The following PCDHGB3 variants were observed in gnomAD, a reference collection of about 807,000 sequenced individuals.
PCDHGB3 encodes protocadherin gamma-B3.
In PCDHGB3, 40 loss-of-function variants were observed where a neutral mutation model predicts 59.2. The observed-to-expected ratio is 0.68, with a 90% CI of 0.52 to 0.88. The LOEUF is 0.88. Among genes scored for constraint, PCDHGB3 ranks in the 40% least tolerant of loss-of-function variants. The probability of loss-of-function intolerance (pLI) is 0.00; values close to 1 mark genes in which losing one functional copy is unlikely to be tolerated. For synonymous variants in PCDHGB3, 581 were observed against 503.6 expected (o/e 1.15, Z -2.06); for missense variants, 1,309 against 1,187.9 (o/e 1.10, Z -1.50).
chr5:141,395,547 TGTGTGTGTGTG>T (rs750624769), intron 1 of PCDHGB3: 54,616 of 173,956 alleles, frequency 0.31, 7,840 homozygotes, highest in East Asian at 0.41. Context: ...ATTGTTTGTG[TGTGTGTGTGTG>T]TGTGTGTGTG....
At chr5:141,413,081 C>CAG in intron 1 of PCDHGB3, 1 of 1,339,426 alleles carries the variant, frequency 7.5e-7, no homozygotes, top group South Asian at 1.5e-5. Flanking sequence ...GCCCAGGCTA[C>CAG]AGAGACACCC....
rs1030277886 is a variant in PCDHGB3, at chr5:141,371,455, A to G, written c.1061A>G (p.Gln354Arg). 3 of 1,613,904 alleles carry G rather than the reference A, an allele frequency of 1.9e-6. No individual in the cohort carries two copies. Among genetic ancestry groups the G allele is most frequent in the Non-Finnish European group, 2.5e-6 (3 of 1,179,884 alleles). Residue 354 changes from glutamine (Q) to arginine (R), a missense_variant, in exon 1 of 4, where the codon CAA becomes CGA. Gln to Arg is a conservative substitution (Grantham distance 43, BLOSUM62 1). Transcript: ENST00000576222. ...APEITLASES[Q>R]HIQEDAELGT... Reference sequence around the variant, plus strand: ...GAGATAACCCTGGCTTCTGAATCCCAACATATACAAGAAGATGCTGAGCTG... The same window carrying G: ...GAGATAACCCTGGCTTCTGAATCCCGACATATACAAGAAGATGCTGAGCTG...
intron 2 of PCDHGB3, among the ~76,000 whole-genome samples, chr5:141,504,869 C>T (rs919109041): frequency 6.6e-6 from 1 of 152,134 alleles, no homozygotes; most frequent in Admixed American, 6.5e-5. Flanking sequence ...CCCACCTTCA[C>T]AGTCCTCTGG....
chr5:141,506,061 G>A (rs1260513343), intron 3 of PCDHGB3, among the ~76,000 whole-genome samples: 2 of 152,144 alleles, frequency 1.3e-5, no homozygotes, highest in Non-Finnish European at 2.9e-5. Flanking sequence ...GGTTGACTAA[G>A]GGCTTCCTTT....
chr5:141,420,197 A>C (rs760921171), intron 1 of PCDHGB3: 2 of 1,613,630 alleles, frequency 1.2e-6, no homozygotes, highest in South Asian at 2.2e-5. Context: ...CACACAAGAT[A>C]ACCTCAACAA....
At chr5:141,479,090 T>G (rs1424205731) in intron 1 of PCDHGB3, among the ~76,000 whole-genome samples, 2 of 152,244 alleles carry the variant, frequency 1.3e-5, no homozygotes, top group Non-Finnish European at 2.9e-5. Flanking sequence ...CCAGGCATCC[T>G]TTAAATTTTA....
rs1329649336 is a variant in PCDHGB3, at chr5:141,477,589, GCTTT to G, written c.2416-17207_2416-17204del. 2 of 1,614,130 alleles carry G rather than the reference GCTTT, an allele frequency of 1.2e-6. No homozygotes were observed. Among genetic ancestry groups the G allele is most frequent in the South Asian group, 1.1e-5 (1 of 91,086 alleles). ...ACCCCGACGCCCCGCAGAATGCTCGGCTTTCTTTCTTTCTCTTGGAGCAAGGAGC... is the reference window on the plus strand; with the variant it reads ...ACCCCGACGCCCCGCAGAATGCTCGGCTTTCTTTCTCTTGGAGCAAGGAGC... On this transcript the variant is annotated intron_variant, in intron 1 of 3. Coordinates refer to ENST00000576222, the MANE Select transcript of PCDHGB3 (RefSeq NM_018924.5). The surrounding 1 kb of genome is among the most constrained non-coding windows in gnomAD (Gnocchi z 4.9).
intron 1 of PCDHGB3, among the ~76,000 whole-genome samples, chr5:141,396,910 A>G (rs1335319555): frequency 1.3e-5 from 2 of 152,208 alleles, no homozygotes; most frequent in Non-Finnish European, 2.9e-5. Flanking sequence ...GCACTTTGCA[A>G]TTTTAAAAAC....
At chr5:141,508,408 C>T (rs938019804) in intron 3 of PCDHGB3, 1 of 152,180 alleles carries the variant, frequency 6.6e-6, no homozygotes, top group Non-Finnish European at 1.5e-5. Context: ...GCTTGAGCCA[C>T]GCAGAGACTT....
chr5:141,374,042 C>T (rs757758510), intron 1 of PCDHGB3: 1 of 1,460,408 alleles, frequency 6.8e-7, no homozygotes, highest in Admixed American at 2.7e-5. Context: ...CAGATCTGTT[C>T]TTCCTCTTCT....
chr5:141,408,299 A>C, intron 1 of PCDHGB3: 1 of 1,613,662 alleles, frequency 6.2e-7, no homozygotes, highest in Non-Finnish European at 8.5e-7. Context: ...GAGTGAGCCG[A>C]TCCGCTACTC....
intron 1 of PCDHGB3, chr5:141,392,678 G>A: frequency 1.1e-6 from 1 of 941,110 alleles, no homozygotes; most frequent in Non-Finnish European, 1.5e-6. Flanking sequence ...CTGCTGGACT[G>A]CAGCGAAACC....
chr5:141,405,439 A>G (rs1285285172), intron 1 of PCDHGB3: 1 of 1,423,798 alleles, frequency 7.0e-7, no homozygotes, highest in Admixed American at 2.0e-5. Context: ...TTTGTTTTTG[A>G]GACAGAGTCT....
rs747811019 is a variant in PCDHGB3 at position 141,490,069 on chromosome 5, C to T, written c.2416-4738C>T. 6 of 1,614,150 alleles carry T rather than the reference C, an allele frequency of 3.7e-6. No homozygotes were observed. Among genetic ancestry groups the T allele is most frequent in the Non-Finnish European group, 5.1e-6 (6 of 1,180,044 alleles). ...TCCAGACGAGGGCACCAACGGCCAA[C>T]TAGACTATTCTTTTGGAGACCACAC... On this transcript the variant is annotated intron_variant, in intron 1 of 3. Transcript: ENST00000576222. This position sits in a 1 kb window ranked among gnomAD's most constrained non-coding sequence, Gnocchi z 5.4.
chr5:141,371,824 C>G lies in PCDHGB3; in HGVS notation c.1430C>G (p.Ser477Trp). The change falls in exon 1 of 4, where the codon TCG (serine) becomes TGG (tryptophan). Residue 477 changes from serine to tryptophan, a missense_variant. Transcript: ENST00000576222. ...PGASIAHVRA[S>W]DPDLGPNGLV... ...GCCTCCATTGCGCATGTCAGAGCCT[C>G]GGATCCCGACTTGGGACCTAATGGC... 1 of 1,613,844 alleles carries G rather than the reference C, an allele frequency of 6.2e-7. No individual in the cohort carries two copies. The highest frequency in any genetic ancestry group is 8.5e-7 in the Non-Finnish European group (1 of 1,179,904).
intron 1 of PCDHGB3, chr5:141,400,747 G>T (rs2094069778): frequency 5.0e-6 from 3 of 602,662 alleles, no homozygotes; most frequent in African/African-American, 1.9e-5. Context: ...TTTGCTCTTA[G>T]CTTCCTCTCT....
At chr5:141,383,580 C>A (rs935361844) in intron 1 of PCDHGB3, 1 of 1,613,642 alleles carries the variant, frequency 6.2e-7, no homozygotes, top group South Asian at 1.1e-5. Context: ...GCACCGCCCA[C>A]ATCCAGGTGA....
Position 141,490,083 on chromosome 5 carries a change from T to G in PCDHGB3, c.2416-4724T>G. Reference sequence around the variant, plus strand: ...CCAACGGCCAACTAGACTATTCTTTTGGAGACCACACATCTGAGGCAGTGC... The same window carrying G: ...CCAACGGCCAACTAGACTATTCTTTGGGAGACCACACATCTGAGGCAGTGC... On this transcript the variant is annotated intron_variant, in intron 1 of 3. Coordinates refer to ENST00000576222, the MANE Select transcript of PCDHGB3 (RefSeq NM_018924.5). This position sits in a 1 kb window ranked among gnomAD's most constrained non-coding sequence, Gnocchi z 5.4. 1.2e-6 allele frequency: 2 copies of G among 1,614,262 alleles called. No individual in the cohort carries two copies. The highest frequency in any genetic ancestry group is 1.7e-6 in the Non-Finnish European group (2 of 1,180,054).
At chr5:141,393,683 G>C (rs370409157) in intron 1 of PCDHGB3, 2 of 1,613,850 alleles carry the variant, frequency 1.2e-6, no homozygotes, top group East Asian at 4.5e-5. Flanking sequence ...AACAAACTCC[G>C]TTATTCCAGC....
Sources: gnomAD v4.1 joint callset for allele counts (sites outside exome capture counted in the v4.1 genomes callset) on GRCh38, gnomAD v4.1.1 for gene constraint, Gnocchi (gnomAD v3.1) non-coding constraint, MANE v1.5 for transcripts, NCBI Gene and HGNC (gene_info 2026-07-23, HGNC 2026-07-21) for gene names.